Variants in OPCML observed in about 807,000 individuals in gnomAD.
OPCML encodes the protein opioid binding protein/cell adhesion molecule like.
OPCML carries 13 observed loss-of-function variants against 37.8 expected under a neutral mutation model. The observed-to-expected ratio is 0.34, with a 90% CI of 0.22 to 0.55. OPCML has a LOEUF of 0.55. Ranked by LOEUF, OPCML falls within the 20% of genes least tolerant of loss-of-function variation. OPCML has a pLI of 0.91. For synonymous variants in OPCML, 176 were observed against 168.8 expected, an observed-to-expected ratio of 1.04 and a Z score of -0.33; for missense variants, 341 against 435.6, an observed-to-expected ratio of 0.78 and a Z score of 1.93.
chr11:132,442,286 A>C (rs1168510202), intron 4 of OPCML, among the ~76,000 whole-genome samples: 3 of 152,204 alleles, frequency 2.0e-5, no homozygotes, highest in Non-Finnish European at 4.4e-5. Context: ...AGCTGAGAGA[A>C]ACCTAACTAT....
At chr11:132,437,161 T>G in intron 5 of OPCML, 61 bp downstream of exon 5, 1 of 1,586,436 alleles carries the variant, frequency 6.3e-7, no homozygotes, top group Non-Finnish European at 8.6e-7. Context: ...CATTACCAGA[T>G]TGTCCACCTA....
chr11:133,497,161 G>A (rs1947804282), intron 1 of OPCML, among the ~76,000 whole-genome samples: 1 of 152,082 alleles, frequency 6.6e-6, no homozygotes. Context: ...CTTATGTTTG[G>A]TCGTTTAACA....
chr11:133,231,492 A>T (rs1231134938), intron 1 of OPCML, among the ~76,000 whole-genome samples: 1 of 152,136 alleles, frequency 6.6e-6, no homozygotes, highest in Non-Finnish European at 1.5e-5. Context: ...AAAACATTTC[A>T]TTGTAATTTT....
At chr11:133,342,542 A>T (rs1943896553) in intron 1 of OPCML, among the ~76,000 whole-genome samples, 1 of 152,212 alleles carries the variant, frequency 6.6e-6, no homozygotes, top group African/African-American at 2.4e-5. Flanking sequence ...CTGATGCCAG[A>T]CACATAAACA....
At chr11:133,421,573 TA>T (rs1183837228) in intron 1 of OPCML, 1 of 985,468 alleles carries the variant, frequency 1.0e-6, no homozygotes, top group Non-Finnish European at 1.2e-6. Flanking sequence ...GCAACAGAGA[TA>T]AAATTGAAAA....
At chr11:133,039,784 C>T (rs1488221290) in intron 1 of OPCML, among the ~76,000 whole-genome samples, 2 of 152,082 alleles carry the variant, frequency 1.3e-5, no homozygotes, top group African/African-American at 2.4e-5. Flanking sequence ...GGGAGGACAA[C>T]TTTGGGAGGC....
chr11:132,992,105 ATGC>A (rs1170349399), intron 1 of OPCML, among the ~76,000 whole-genome samples: 12 of 152,282 alleles, frequency 7.9e-5, no homozygotes, highest in Non-Finnish European at 1.6e-4. Context: ...AGGTTCAGAA[ATGC>A]TAAGTTATCT....
chr11:133,438,927 G>A lies in OPCML; in HGVS notation c.61+93337C>T, dbSNP rs575536749. Among the ~76,000 whole-genome samples the A allele has an allele frequency of 1.7e-4, 26 of 152,220 alleles. No individual in the cohort carries two copies. The East Asian group carries it at 3.9e-3, about 23-fold the overall frequency. ...TCAAGGGGCTGGGAGGGGTGAACCC[G>A]GAGAGGGCATGGAGGCTCCATGCCC... On this transcript the variant is annotated intron_variant, in intron 1 of 7. Transcript: ENST00000524381.
chr11:132,907,340 G>C (rs73043134), intron 2 of OPCML, among the ~76,000 whole-genome samples: 6,259 of 152,064 alleles, frequency 0.041, 153 homozygotes, highest in Non-Finnish European at 0.063. Context: ...TCCTCCATTT[G>C]TCCTTTGTCT....
intron 1 of OPCML, among the ~76,000 whole-genome samples, chr11:133,107,615 T>C (rs73039166): frequency 0.018 from 2,732 of 152,308 alleles, 55 homozygotes; most frequent in Non-Finnish European, 0.024. Flanking sequence ...CCATTCACCT[T>C]TCCCTCTTCA....
chr11:133,024,925 A>G (rs545167634), intron 1 of OPCML: 187 of 985,308 alleles, frequency 1.9e-4, no homozygotes, highest in Non-Finnish European at 2.2e-4. Context: ...AAATTTGCAT[A>G]TATTTGAATT....
chr11:132,539,551 G>A (rs1458494813), intron 3 of OPCML, among the ~76,000 whole-genome samples: 2 of 152,116 alleles, frequency 1.3e-5, no homozygotes, highest in African/African-American at 4.8e-5. Flanking sequence ...TGATGATGAA[G>A]ATCATGGTAC....
At chr11:132,972,516 G>A (rs892262845) in intron 1 of OPCML, among the ~76,000 whole-genome samples, 24 of 152,138 alleles carry the variant, frequency 1.6e-4, no homozygotes, top group Admixed American at 3.9e-4. Flanking sequence ...TCATTTTCTG[G>A]TGCTGCATCT....
At position 132,436,650 on chromosome 11, in the gene OPCML, A is replaced by C; in HGVS notation, c.764+9T>G. On this transcript the variant is annotated intron_variant, in intron 6 of 7. Coordinates refer to ENST00000524381, the MANE Select transcript of OPCML (RefSeq NM_001012393.5). ...CTTCAGAACTGTCCAGGTGTCATTTAAAAGGTACCTGGTTTCTTCCTTGAA... is the reference window on the plus strand; with the variant it reads ...CTTCAGAACTGTCCAGGTGTCATTTCAAAGGTACCTGGTTTCTTCCTTGAA... The C allele has an allele frequency of 6.2e-7, 1 of 1,614,014 alleles. No homozygotes were observed. Among genetic ancestry groups the C allele is most frequent in the Non-Finnish European group, 8.5e-7 (1 of 1,179,898 alleles).
At chr11:132,818,917 T>TA (rs1417124204) in intron 2 of OPCML, among the ~76,000 whole-genome samples, 1 of 146,748 alleles carries the variant, frequency 6.8e-6, no homozygotes, top group Non-Finnish European at 1.5e-5. Context: ...CCCTAAAACT[T>TA]AAAGTATAAT....
At chr11:133,441,082 A>G (rs1338781857) in intron 1 of OPCML, among the ~76,000 whole-genome samples, 1 of 151,818 alleles carries the variant, frequency 6.6e-6, no homozygotes, top group Non-Finnish European at 1.5e-5. Flanking sequence ...CTGTAAGGAG[A>G]CAGACACATC....
intron 1 of OPCML, among the ~76,000 whole-genome samples, chr11:133,456,743 A>AAAT (rs1946679375): frequency 6.6e-6 from 1 of 151,890 alleles, no homozygotes; most frequent in African/African-American, 2.4e-5. Context: ...TAAAACAAAC[A>AAAT]AATAGAAATT....
chr11:133,140,793 A>AT (rs1565467957), intron 1 of OPCML, among the ~76,000 whole-genome samples: 3 of 95,980 alleles, frequency 3.1e-5, no homozygotes, highest in African/African-American at 1.1e-4. Context: ...ACGACGAAGA[A>AT]GAAGAAGAAG....
chr11:133,257,829 G>T (rs1023269560), intron 1 of OPCML, among the ~76,000 whole-genome samples: 2 of 149,996 alleles, frequency 1.3e-5, no homozygotes, highest in African/African-American at 2.4e-5. Flanking sequence ...CCTTTTTCTC[G>T]CCTTCCTTGT....
Sources: gnomAD v4.1 joint callset for allele counts (sites outside exome capture counted in the v4.1 genomes callset) on GRCh38, gnomAD v4.1.1 for gene constraint, MANE v1.5 for transcripts, NCBI Gene and HGNC (gene_info 2026-07-23, HGNC 2026-07-21) for gene names.